The following SYNPR variants were observed in gnomAD, a reference collection of about 807,000 sequenced individuals.
SYNPR encodes the protein synaptoporin.
In SYNPR, 23 loss-of-function variants were observed where a neutral mutation model predicts 32.9. The ratio of observed to expected loss-of-function variants is 0.70; its 90% CI spans 0.50 to 0.99. The LOEUF is 0.99. SYNPR is among the 50% of genes least tolerant of loss of function. The pLI is 0.00. For synonymous variants in SYNPR, 146 were observed against 135.9 expected (o/e 1.07, Z -0.52); for missense variants, 318 against 349.3 (o/e 0.91, Z 0.71).
At position 63,391,809 on chromosome 3, in the gene SYNPR, C is replaced by A. The variant is rs111511660; in HGVS notation, c.85-89023C>A. 4.2e-3 allele frequency among the ~76,000 whole-genome samples: 632 copies of A among 152,288 alleles called. 4 individuals are homozygous for A. Among genetic ancestry groups the A allele is most frequent in the African/African-American group, 0.014 (577 of 41,556 alleles). ...GGGTTTGGAGTCTGCTCACTTAACT[C>A]CTGTGCTAACCCCATTTTACAGAAG... is the stretch of plus-strand genomic sequence containing the variant. On this transcript the variant is annotated intron_variant, in intron 2 of 5. Coordinates refer to ENST00000478300, the MANE Select transcript of SYNPR (RefSeq NM_001130003.2).
intron 2 of SYNPR, chr3:63,451,996 C>A: frequency 1.5e-6 from 1 of 674,344 alleles, no homozygotes; most frequent in Middle Eastern, 2.4e-4. Flanking sequence ...TTGGAAGACA[C>A]CCTCCTTTCT....
intron 2 of SYNPR, among the ~76,000 whole-genome samples, chr3:63,423,055 C>T (rs1699827665): frequency 6.6e-6 from 1 of 152,066 alleles, no homozygotes; most frequent in African/African-American, 2.4e-5. Flanking sequence ...ATTATGATAA[C>T]ATCTATGGAA....
At chr3:63,319,001 G>C (rs1038649850) in intron 2 of SYNPR, among the ~76,000 whole-genome samples, 1 of 151,950 alleles carries the variant, frequency 6.6e-6, no homozygotes, top group African/African-American at 2.4e-5. Context: ...CTTCCTGTGA[G>C]CCAAACTGCA....
At chr3:63,576,135 T>TA (rs1702975813) in intron 4 of SYNPR, among the ~76,000 whole-genome samples, 1 of 152,162 alleles carries the variant, frequency 6.6e-6, no homozygotes, top group South Asian at 2.1e-4. Flanking sequence ...TACTAGATTT[T>TA]AAAAAGACCC....
Position 63,443,613 on chromosome 3 carries a change from GA to G in SYNPR, c.85-37218del, listed in dbSNP as rs553529320. On this transcript the variant is annotated intron_variant, in intron 2 of 5. Coordinates refer to ENST00000478300, the MANE Select transcript of SYNPR (RefSeq NM_001130003.2). ...TCTAGTAATAATCTCTATTTTTCTTGACTTTGCTTTCTTGTAATTTGTATGT... is the reference window on the plus strand; with the variant it reads ...TCTAGTAATAATCTCTATTTTTCTTGCTTTGCTTTCTTGTAATTTGTATGT... The G allele has an allele frequency of 3.8e-4, 370 of 963,874 alleles. 2 individuals carry two copies. The African/African-American group carries it at 5.4e-3, about 14-fold the overall frequency. The allele number at this position is 963,874 out of a possible 1,614,324, so 59.7% of individuals were successfully genotyped here. A position where few individuals can be genotyped will look rare whatever the true frequency, so the allele number is the denominator to read the frequency against.
chr3:63,351,421 C>T (rs1024078548), intron 2 of SYNPR: 9 of 152,164 alleles, frequency 5.9e-5, no homozygotes, highest in Non-Finnish European at 1.3e-4. Context: ...CATTCTAGCT[C>T]GCTTTCCCGT....
At chr3:63,295,776 G>A (rs1386875841) in intron 2 of SYNPR, among the ~76,000 whole-genome samples, 3 of 152,222 alleles carry the variant, frequency 2.0e-5, no homozygotes, top group Non-Finnish European at 2.9e-5. Context: ...CTAGGCAAAT[G>A]ATGGGAAATA....
upstream of SYNPR, among the ~76,000 whole-genome samples, chr3:63,223,489 C>T (rs2086105473): frequency 6.6e-6 from 1 of 151,888 alleles, no homozygotes; most frequent in African/African-American, 2.4e-5. Flanking sequence ...CCAGCTGAGA[C>T]ATCTCATGAT....
chr3:63,455,235 G>A (rs1005730857), intron 2 of SYNPR, among the ~76,000 whole-genome samples: 1 of 151,978 alleles, frequency 6.6e-6, no homozygotes, highest in Non-Finnish European at 1.5e-5. Context: ...TATGTTAAAG[G>A]AGACAAAAAT....
chr3:63,392,995 C>T (rs2088159191), intron 2 of SYNPR, among the ~76,000 whole-genome samples: 1 of 152,134 alleles, frequency 6.6e-6, no homozygotes, highest in African/African-American at 2.4e-5. Flanking sequence ...ATACCTATGG[C>T]CGTGGAAAAC....
intron 3 of SYNPR, among the ~76,000 whole-genome samples, chr3:63,535,925 T>C (rs1702197415): frequency 6.6e-6 from 1 of 151,912 alleles, no homozygotes; most frequent in African/African-American, 2.4e-5. Flanking sequence ...CACAAAAAAA[T>C]AGATAAACTG....
At chr3:63,571,579 G>A (rs956400835) in intron 4 of SYNPR, among the ~76,000 whole-genome samples, 1 of 151,974 alleles carries the variant, frequency 6.6e-6, no homozygotes, top group African/African-American at 2.4e-5. Context: ...GAGAAGGAAG[G>A]AATTAGTAAT....
intron 2 of SYNPR, among the ~76,000 whole-genome samples, chr3:63,374,360 C>A (rs189741080): frequency 6.6e-6 from 1 of 152,036 alleles, no homozygotes; most frequent in African/African-American, 2.4e-5. Context: ...ACTGCATATT[C>A]TCACTTATAA....
At chr3:63,258,992 G>C (rs974393726) in intron 2 of SYNPR, among the ~76,000 whole-genome samples, 5 of 152,108 alleles carry the variant, frequency 3.3e-5, no homozygotes, top group African/African-American at 7.2e-5. Context: ...ATAAATTCCT[G>C]GACACATACA....
At chr3:63,564,484 C>T (rs897977215) in intron 4 of SYNPR, among the ~76,000 whole-genome samples, 1 of 144,490 alleles carries the variant, frequency 6.9e-6, no homozygotes, top group African/African-American at 2.7e-5. Context: ...TGTGAGCCAC[C>T]GTGCCCAGCC....
At chr3:63,425,306 G>C (rs904257080) in intron 2 of SYNPR, among the ~76,000 whole-genome samples, 5 of 152,158 alleles carry the variant, frequency 3.3e-5, no homozygotes, top group Non-Finnish European at 5.9e-5. Context: ...GTGGTATACA[G>C]TAAACTTTAT....
chr3:63,341,914 G>C (rs1414758109), intron 2 of SYNPR, among the ~76,000 whole-genome samples: 1 of 151,994 alleles, frequency 6.6e-6, no homozygotes, highest in Admixed American at 6.6e-5. Flanking sequence ...TTTTGGTGTT[G>C]CATCTAGAAA....
chr3:63,235,215 C>G (rs558552740), intron 1 of SYNPR, among the ~76,000 whole-genome samples: 1 of 152,012 alleles, frequency 6.6e-6, no homozygotes, highest in Non-Finnish European at 1.5e-5. Context: ...TTCATATTTC[C>G]TGTTTATAAT....
At chr3:63,327,060 G>A (rs1560193292) in intron 2 of SYNPR, among the ~76,000 whole-genome samples, 1 of 151,766 alleles carries the variant, frequency 6.6e-6, no homozygotes, top group Non-Finnish European at 1.5e-5. Context: ...CATTTTGTTA[G>A]TGACTAGATA....
Sources: allele counts gnomAD v4.1 joint callset (sites outside exome capture counted in the v4.1 genomes callset), GRCh38; gene constraint gnomAD v4.1.1; transcripts MANE v1.5; gene names NCBI Gene and HGNC (gene_info 2026-07-23, HGNC 2026-07-21).